The following PPIP5K2 variants were observed in gnomAD, a reference collection of about 807,000 sequenced individuals.
PPIP5K2 encodes the protein diphosphoinositol pentakisphosphate kinase 2.
Under a neutral mutation model 154.6 loss-of-function variants are expected in PPIP5K2, and 105 were observed. The ratio of observed to expected loss-of-function variants is 0.68; its 90% confidence interval spans 0.58 to 0.80. PPIP5K2 has a LOEUF of 0.80. Among genes scored for constraint, PPIP5K2 ranks in the 30% least tolerant of loss-of-function variants. The pLI, the probability that PPIP5K2 is intolerant of heterozygous loss-of-function variation, is 0.00. For synonymous variants in PPIP5K2, 480 were observed against 490.3 expected (o/e 0.98, Z 0.28); for missense variants, 992 against 1,504.6 (o/e 0.66, Z 5.64).
chr5:103,157,318 A>G (rs1170026157), intron 14 of PPIP5K2, among the ~76,000 whole-genome samples: 2 of 152,222 alleles, frequency 1.3e-5, no homozygotes, highest in African/African-American at 4.8e-5. Context: ...TCTGATGTGT[A>G]ACATGCAGAG....
chr5:103,140,100 C>G (rs181168325), intron 5 of PPIP5K2, among the ~76,000 whole-genome samples: 2 of 149,556 alleles, frequency 1.3e-5, no homozygotes, highest in East Asian at 4.0e-4. Context: ...CTTCGTTTTT[C>G]TTTAAGAACT....
chr5:103,190,474 T>C (rs27698), intron 28 of PPIP5K2, among the ~76,000 whole-genome samples: 36,884 of 151,884 alleles, frequency 0.24, 5,154 homozygotes, highest in East Asian at 0.45. Context: ...GGATACATCA[T>C]GTGGCATCAG....
chr5:103,160,904 A>G (rs1796112917), intron 17 of PPIP5K2, among the ~76,000 whole-genome samples: 3 of 151,522 alleles, frequency 2.0e-5, no homozygotes, highest in African/African-American at 7.3e-5. Context: ...ACTTATTTAC[A>G]ATGTTAGCAG....
At chr5:103,139,395 A>C (rs1792156228) in intron 5 of PPIP5K2, among the ~76,000 whole-genome samples, 1 of 152,194 alleles carries the variant, frequency 6.6e-6, no homozygotes, top group Non-Finnish European at 1.5e-5. Flanking sequence ...ATAAGAACCA[A>C]AAAATTAGTC....
intron 17 of PPIP5K2, among the ~76,000 whole-genome samples, chr5:103,163,629 T>A (rs1796689149): frequency 1.3e-5 from 2 of 152,010 alleles, no homozygotes; most frequent in African/African-American, 4.8e-5. Context: ...GTACATTAAA[T>A]ATAAAGTTTT....
intron 17 of PPIP5K2, among the ~76,000 whole-genome samples, chr5:103,166,426 G>C (rs930132760): frequency 1.3e-5 from 2 of 151,874 alleles, no homozygotes; most frequent in African/African-American, 4.8e-5. Flanking sequence ...GGCTCCTTCT[G>C]ACTTCTGTTT....
At chr5:103,161,612 C>T (rs1385280614) in intron 17 of PPIP5K2, among the ~76,000 whole-genome samples, 4 of 152,308 alleles carry the variant, frequency 2.6e-5, no homozygotes, top group Middle Eastern at 3.4e-3. Context: ...CACATCCTCT[C>T]CAGCACCTGT....
intron 3 of PPIP5K2, among the ~76,000 whole-genome samples, chr5:103,135,369 T>C (rs1236630188): frequency 2.0e-5 from 3 of 152,220 alleles, no homozygotes; most frequent in Admixed American, 2.0e-4. Flanking sequence ...TTTATGTCTT[T>C]AACTGTTACG....
At chr5:103,194,858 C>T (rs535389004) in intron 29 of PPIP5K2, 42 bp from the exon 30 acceptor site, 1 of 1,578,530 alleles carries the variant, frequency 6.3e-7, no homozygotes, top group African/African-American at 1.4e-5. Context: ...AGATAATTGG[C>T]AGGAAATTAT....
rs190221186 is a variant in PPIP5K2 at position 103,155,059 on chromosome 5, A to G, written c.1403+116A>G. On this transcript the variant is annotated intron_variant, in intron 13 of 30. Transcript: ENST00000358359. ...TCTGATCTTTTTACTCTTTGTTACT[A>G]TAGTTGAGACATGAAGGAAAATCTA... 4.7e-4 allele frequency: 255 copies of G among 537,758 alleles called. 1 individual carries two copies. The highest frequency in any genetic ancestry group is 4.3e-3 in the African/African-American group (218 of 50,974). The allele number at this position is 537,758 out of a possible 1,614,324, so 33.3% of individuals were successfully genotyped here.
intron 1 of PPIP5K2, among the ~76,000 whole-genome samples, chr5:103,122,748 G>A (rs1452796264): frequency 1.3e-5 from 2 of 152,166 alleles, no homozygotes; most frequent in East Asian, 3.9e-4. Flanking sequence ...CTCTGATTTT[G>A]AGAGCAGAGA....
In PPIP5K2 at chr5:103,204,189, T is replaced by A. The variant is rs1803357535; in HGVS notation, c.*2555T>A. 1 of 152,184 alleles carries A rather than the reference T, an allele frequency of 6.6e-6. No individual in the cohort carries two copies. The highest frequency in any genetic ancestry group is 6.6e-5 in the Admixed American group (1 of 15,266). 9.4% of individuals were successfully genotyped at this position (152,184 alleles called of 1,614,324 possible). On this transcript the variant is annotated 3_prime_UTR_variant, in exon 31 of 31. Transcript: ENST00000358359. ...GCCAGTTTGAACCAAGATTTCACAT[T>A]TTTGTTTTGTATTCATACTTTGGTA...
rs1803450744 is a variant in PPIP5K2, at chr5:103,205,321, T to C, written c.*3687T>C. The C allele has an allele frequency of 6.6e-6, 1 of 152,226 alleles. No homozygotes were observed. Among genetic ancestry groups the C allele is most frequent in the African/African-American group, 2.4e-5 (1 of 41,464 alleles). The allele number at this position is 152,226 out of a possible 1,614,324, so 9.4% of individuals were successfully genotyped here. On this transcript the variant is annotated 3_prime_UTR_variant, in exon 31 of 31. Coordinates refer to ENST00000358359, the MANE Select transcript of PPIP5K2 (RefSeq NM_001276277.3). ...ATAAACATACGTGTGCATGTGTCTT[T>C]ATAGTGGCATGATTTATAATCCTTT...
chr5:103,124,829 A>G (rs1789384149), intron 1 of PPIP5K2, among the ~76,000 whole-genome samples: 1 of 152,200 alleles, frequency 6.6e-6, no homozygotes, highest in South Asian at 2.1e-4. Context: ...TTATGGTGAG[A>G]CAACATGTTG....
Position 103,161,595 on chromosome 5 carries a change from A to C in PPIP5K2, c.1920+2267A>C, listed in dbSNP as rs533425474. 6.6e-5 allele frequency among the ~76,000 whole-genome samples: 10 copies of C among 152,148 alleles called. No homozygotes were observed. In the East Asian group the frequency reaches 1.7e-3, roughly 26 times the overall value. ...CCACCAACAGTGTAAAAGTGTTCCT[A>C]TTTCTCCACATCCTCTCCAGCACCT... On this transcript the variant is annotated intron_variant, in intron 17 of 30. Coordinates refer to ENST00000358359, the MANE Select transcript of PPIP5K2 (RefSeq NM_001276277.3).
At chr5:103,168,794 A>G (rs1797522421) in intron 19 of PPIP5K2, among the ~76,000 whole-genome samples, 1 of 151,872 alleles carries the variant, frequency 6.6e-6, no homozygotes. Context: ...TTTCACTGCC[A>G]TAAGAAGGTA....
At position 103,161,075 on chromosome 5, in the gene PPIP5K2, A is replaced by G. The variant is rs188965192; in HGVS notation, c.1920+1747A>G. On this transcript the variant is annotated intron_variant, in intron 17 of 30. Transcript: ENST00000358359. ...CTGCACCCATTAACTCGTCATTTAC[A>G]TTAGGTATATCTCCTAATGCTTTCC... Among the ~76,000 whole-genome samples, 809 of 151,886 alleles carry G rather than the reference A, an allele frequency of 5.3e-3. 7 individuals carry two copies. Among genetic ancestry groups the G allele is most frequent in the African/African-American group, 0.018 (765 of 41,366 alleles).
intron 5 of PPIP5K2, 127 bp downstream of exon 5, chr5:103,138,596 T>C: frequency 2.0e-6 from 1 of 512,580 alleles, no homozygotes; most frequent in Non-Finnish European, 3.4e-6. Context: ...TAAAAAATAA[T>C]CTAAACAGAC....
chr5:103,177,580 G>A, intron 21 of PPIP5K2, 87 bp from the exon 22 acceptor site: 1 of 826,526 alleles, frequency 1.2e-6, no homozygotes, highest in Non-Finnish European at 1.9e-6. Flanking sequence ...GTATCACTAG[G>A]ATTAAACAAG....
Sources: gnomAD v4.1 joint callset for allele counts (sites outside exome capture counted in the v4.1 genomes callset) on GRCh38, gnomAD v4.1.1 for gene constraint, MANE v1.5 for transcripts, NCBI Gene and HGNC (gene_info 2026-07-23, HGNC 2026-07-21) for gene names.